Variants in GABRB1 observed in about 807,000 individuals in gnomAD.
The protein encoded by GABRB1 is gamma-aminobutyric acid receptor subunit beta-1.
A neutral mutation model predicts 51.6 loss-of-function variants in GABRB1; 17 were observed. The ratio of observed to expected loss-of-function variants is 0.33; its 90% CI spans 0.23 to 0.49. The LOEUF (loss-of-function observed/expected upper bound fraction) is 0.49, where lower values mean the gene tolerates loss of function less well. Ranked by LOEUF, GABRB1 falls within the 20% of genes least tolerant of loss-of-function variation. The probability of loss-of-function intolerance (pLI) is 0.99; values close to 1 mark genes in which losing one functional copy is unlikely to be tolerated. For synonymous variants in GABRB1, 247 were observed against 218.9 expected, an observed-to-expected ratio of 1.13 and a Z score of -1.14; for missense variants, 410 against 600.6, an observed-to-expected ratio of 0.68 and a Z score of 3.32.
intron 5 of GABRB1, among the ~76,000 whole-genome samples, chr4:47,381,030 T>A (rs1470864691): frequency 6.6e-6 from 1 of 152,140 alleles, no homozygotes; most frequent in Non-Finnish European, 1.5e-5. Context: ...ATGGCATTGA[T>A]AGAGGGCTCA....
At chr4:47,203,987 T>C (rs941607498) in intron 4 of GABRB1, among the ~76,000 whole-genome samples, 5 of 152,174 alleles carry the variant, frequency 3.3e-5, no homozygotes, top group African/African-American at 1.2e-4. Context: ...ACCAGCTCAA[T>C]AATTTCTCCG....
chr4:47,294,913 C>T (rs190110984), intron 4 of GABRB1, among the ~76,000 whole-genome samples: 2 of 152,136 alleles, frequency 1.3e-5, no homozygotes, highest in African/African-American at 4.8e-5. Flanking sequence ...GACAAAACTT[C>T]CAGAGGAATG....
intron 3 of GABRB1, among the ~76,000 whole-genome samples, chr4:47,125,190 A>G (rs563270044): frequency 6.6e-6 from 1 of 152,304 alleles, no homozygotes; most frequent in African/African-American, 2.4e-5. Context: ...AAGTTTTAAA[A>G]GAAAAACAGC....
intron 4 of GABRB1, among the ~76,000 whole-genome samples, chr4:47,174,333 G>A (rs1718575554): frequency 6.6e-6 from 1 of 152,032 alleles, no homozygotes; most frequent in Admixed American, 6.5e-5. Context: ...TTGCAGTGTT[G>A]GGATTACAGG....
chr4:47,123,887 A>T (rs1715980659), intron 3 of GABRB1, among the ~76,000 whole-genome samples: 1 of 78,874 alleles, frequency 1.3e-5, no homozygotes, highest in African/African-American at 4.3e-5. Flanking sequence ...TATATAATAT[A>T]TATAATATAT....
At chr4:47,329,313 T>C (rs1725378295) in intron 5 of GABRB1, among the ~76,000 whole-genome samples, 1 of 151,850 alleles carries the variant, frequency 6.6e-6, no homozygotes, top group Admixed American at 6.6e-5. Context: ...TTATTCATAG[T>C]TCTTCAGAGA....
chr4:47,166,228 A>G (rs1354172191), intron 4 of GABRB1, among the ~76,000 whole-genome samples: 1 of 152,126 alleles, frequency 6.6e-6, no homozygotes, highest in Admixed American at 6.6e-5. Context: ...CAGGAATAAC[A>G]TGGGATGAAC....
chr4:47,313,340 GT>G (rs1015536925), intron 4 of GABRB1, among the ~76,000 whole-genome samples: 1 of 152,106 alleles, frequency 6.6e-6, no homozygotes, highest in Non-Finnish European at 1.5e-5. Flanking sequence ...AAAATCTTGA[GT>G]TTAAAAAACT....
intron 3 of GABRB1, among the ~76,000 whole-genome samples, chr4:47,109,239 C>A (rs997516587): frequency 1.3e-5 from 2 of 151,930 alleles, no homozygotes; most frequent in Non-Finnish European, 2.9e-5. Context: ...TAATAGACAT[C>A]ATTGGTGGCT....
At chr4:47,304,120 C>G (rs988356659) in intron 4 of GABRB1, among the ~76,000 whole-genome samples, 1 of 151,966 alleles carries the variant, frequency 6.6e-6, no homozygotes, top group East Asian at 1.9e-4. Flanking sequence ...GCAGATATCT[C>G]TTCAACAGAC....
intron 5 of GABRB1, among the ~76,000 whole-genome samples, chr4:47,363,325 C>T (rs1002411163): frequency 1.3e-5 from 2 of 152,114 alleles, no homozygotes; most frequent in Admixed American, 1.3e-4. Context: ...TTCTAGACTA[C>T]CATGCTACAT....
intron 4 of GABRB1, among the ~76,000 whole-genome samples, chr4:47,263,942 T>A (rs1306240207): frequency 6.6e-6 from 1 of 151,454 alleles, no homozygotes; most frequent in African/African-American, 2.4e-5. Context: ...AGCCCAGGAA[T>A]TCAAAACATG....
chr4:47,272,962 T>C (rs1416362926), intron 4 of GABRB1, among the ~76,000 whole-genome samples: 1 of 135,746 alleles, frequency 7.4e-6, no homozygotes, highest in Non-Finnish European at 1.6e-5. Context: ...GACTAGATGA[T>C]GTGAACCGTT....
rs143573728 is a variant in GABRB1 at position 47,203,471 on chromosome 4, A to C, written c.461+42002A>C. Among the ~76,000 whole-genome samples the C allele has an allele frequency of 7.0e-3, 1,063 of 152,212 alleles. 4 individuals are homozygous for C. The highest frequency in any genetic ancestry group is 0.012 in the Non-Finnish European group (827 of 68,006). ...ACCCCAAAATTCACTTCTTTGCTGAATACCCGGATATATCATACAAAGAAT... is the reference window on the plus strand; with the variant it reads ...ACCCCAAAATTCACTTCTTTGCTGACTACCCGGATATATCATACAAAGAAT... On this transcript the variant is annotated intron_variant, in intron 4 of 8. Transcript: ENST00000295454.
chr4:46,994,412 T>C (rs1228985597), intron 1 of GABRB1: 2 of 144,976 alleles, frequency 1.4e-5, no homozygotes, highest in African/African-American at 5.1e-5. Flanking sequence ...TTGACTGCTT[T>C]AGGTAGGGGG....
intron 5 of GABRB1, among the ~76,000 whole-genome samples, chr4:47,322,425 A>AG (rs1299985966): frequency 3.9e-5 from 6 of 152,372 alleles, no homozygotes; most frequent in Non-Finnish European, 7.3e-5. Flanking sequence ...TTGGATAATG[A>AG]GGAGTCTACA....
At chr4:47,149,934 G>A (rs928396690) in intron 3 of GABRB1, among the ~76,000 whole-genome samples, 5 of 151,852 alleles carry the variant, frequency 3.3e-5, no homozygotes, top group African/African-American at 1.2e-4. Flanking sequence ...CAATGAGTTC[G>A]AGCCACTGGA....
At chr4:47,138,009 T>C (rs1214413137) in intron 3 of GABRB1, among the ~76,000 whole-genome samples, 1 of 152,086 alleles carries the variant, frequency 6.6e-6, no homozygotes, top group African/African-American at 2.4e-5. Flanking sequence ...GGTTAAGTTG[T>C]CCAGAAAAAG....
chr4:47,395,690 A>G (rs1753547904), intron 5 of GABRB1, among the ~76,000 whole-genome samples: 1 of 152,220 alleles, frequency 6.6e-6, no homozygotes, highest in African/African-American at 2.4e-5. Context: ...ATTTACTCAC[A>G]TGATTCAAAA....
Sources: allele counts gnomAD v4.1 joint callset (sites outside exome capture counted in the v4.1 genomes callset), GRCh38; gene constraint gnomAD v4.1.1; transcripts MANE v1.5; gene names NCBI Gene and HGNC (gene_info 2026-07-23, HGNC 2026-07-21).